The following KIF23 variants were observed in gnomAD, a reference collection of about 807,000 sequenced individuals.
KIF23 encodes the protein kinesin family member 23.
A neutral mutation model predicts 137.5 loss-of-function variants in KIF23; 30 were observed. The ratio of observed to expected loss-of-function variants is 0.22; its 90% CI spans 0.16 to 0.30. The LOEUF (loss-of-function observed/expected upper bound fraction) is 0.30. KIF23 is among the 10% of genes least tolerant of loss of function. The pLI is 1.00. For synonymous variants in KIF23, 367 were observed against 391.1 expected (o/e 0.94, Z 0.73); for missense variants, 920 against 1,194.3 (o/e 0.77, Z 3.38).
chr15:69,440,521 C>G (rs1229701790), intron 18 of KIF23, 34 bp downstream of exon 18: 27 of 1,553,656 alleles, frequency 1.7e-5, no homozygotes, highest in Non-Finnish European at 2.3e-5. Flanking sequence ...TAACTTTGTA[C>G]TAGAGAAATT....
At position 69,421,988 on chromosome 15, in the gene KIF23, G is replaced by A. The variant is rs199854965; in HGVS notation, c.317-4G>A. The A allele has an allele frequency of 8.3e-5, 134 of 1,613,634 alleles. No individual in the cohort carries two copies. The highest frequency in any genetic ancestry group is 8.3e-5 in the Admixed American group (5 of 59,930). On this transcript the variant is annotated splice_region_variant and splice_polypyrimidine_tract_variant and intron_variant, in intron 4 of 23. Coordinates refer to ENST00000679126, the MANE Select transcript of KIF23 (RefSeq NM_001367805.3). ...ATAACTCATTGTGACTTGCTACACT[G>A]TAGGTCTTCTTTTTACATATGGTGT...
chr15:69,414,490 C>A lies in KIF23; in HGVS notation c.11+14C>A. 6.3e-7 allele frequency: 1 copy of A among 1,576,158 alleles called. No individual in the cohort carries two copies. The highest frequency in any genetic ancestry group is 2.3e-5 in the East Asian group (1 of 42,766). The stretch of plus-strand genomic sequence containing the variant: ...CATGAAGTCAGCGTGAGTACGAGGC[C>A]GCCGAGCAGGGAGAGAGGGCGGACG... On this transcript the variant is annotated intron_variant, in intron 1 of 23. Coordinates refer to ENST00000679126, the MANE Select transcript of KIF23 (RefSeq NM_001367805.3).
At position 69,422,371 on chromosome 15, in the gene KIF23, G is replaced by A; in HGVS notation, c.499G>A (p.Val167Ile). The part of the protein sequence containing the change: ...DRNSMDIQCE[V>I]DALLERQKRE... Reference sequence around the variant, plus strand: ...GAATAGTATGGATATACAGTGTGAGGTTGATGCCTTATTAGAACGTCAGAA... The same window carrying A: ...GAATAGTATGGATATACAGTGTGAGATTGATGCCTTATTAGAACGTCAGAA... Residue 167 changes from valine to isoleucine, a missense_variant, in exon 6 of 24, where the codon GTT becomes ATT. By Grantham distance (29) the Val-to-Ile change is conservative. Around this residue, in one of 4 missense-constraint regions of KIF23, gnomAD observed 714 missense variants for 866.2 expected, o/e 0.82. Transcript: ENST00000679126. 6.2e-7 allele frequency: 1 copy of A among 1,611,734 alleles called. No individual in the cohort carries two copies. Among genetic ancestry groups the A allele is most frequent in the Non-Finnish European group, 8.5e-7 (1 of 1,178,066 alleles).
chr15:69,446,370 G>C lies in KIF23; in HGVS notation c.2838+6G>C. 1 of 1,610,726 alleles carries C rather than the reference G, an allele frequency of 6.2e-7. No homozygotes were observed. ...GGACCGATGTAGAAACAAGGGTAGG[G>C]GAAAAATTAAATATTTGTCTGCCTA... On this transcript the variant is annotated splice_donor_region_variant and intron_variant, in intron 22 of 23. Coordinates refer to ENST00000679126, the MANE Select transcript of KIF23 (RefSeq NM_001367805.3).
At position 69,436,122 on chromosome 15, in the gene KIF23, T is replaced by G. The variant is rs765228911; in HGVS notation, c.1315-16T>G. The G allele has an allele frequency of 1.9e-6, 3 of 1,602,994 alleles. No individual in the cohort carries two copies. The highest frequency in any genetic ancestry group is 2.5e-6 in the Non-Finnish European group (3 of 1,177,344). ...ATCCTTATTTTTTTTTAAACTCCAT[T>G]TGTTTTGTGTTTTAGCAAGTCATGA... is the stretch of plus-strand genomic sequence containing the variant. On this transcript the variant is annotated splice_polypyrimidine_tract_variant and intron_variant, in intron 13 of 23. Coordinates refer to ENST00000679126, the MANE Select transcript of KIF23 (RefSeq NM_001367805.3).
intron 10 of KIF23, among the ~76,000 whole-genome samples, chr15:69,428,759 C>T (rs919314054): frequency 6.6e-6 from 1 of 150,474 alleles, no homozygotes; most frequent in African/African-American, 2.5e-5. Context: ...TTAGGATAAT[C>T]CTGTTCTAGA....
intron 14 of KIF23, 101 bp downstream of exon 14, chr15:69,436,362 C>A: frequency 7.1e-7 from 1 of 1,412,556 alleles, no homozygotes; most frequent in Non-Finnish European, 9.6e-7. Flanking sequence ...TACATACCTT[C>A]TGAAGAACCA....
chr15:69,434,167 T>G (rs929538359), intron 11 of KIF23, among the ~76,000 whole-genome samples: 2 of 152,238 alleles, frequency 1.3e-5, no homozygotes, highest in Non-Finnish European at 2.9e-5. Context: ...CTGATCATCC[T>G]AGAGATAACC....
Position 69,429,138 on chromosome 15 carries a change from T to C in KIF23, c.1039T>C (p.Leu347=), listed in dbSNP as rs1197255457. The change falls in exon 11 of 24, where the codon TTG becomes CTG. Residue 347 remains leucine, a synonymous_variant. Transcript: ENST00000679126. Reference sequence around the variant, plus strand: ...AAAAGAACAAATCACTATAAGTCAGTTGTCCTTGGTAGATCTTGCTGGAAG... The same window carrying C: ...AAAAGAACAAATCACTATAAGTCAGCTGTCCTTGGTAGATCTTGCTGGAAG... ...QEKEQITISQ[L]SLVDLAGSER... 4 of 1,613,156 alleles carry C rather than the reference T, an allele frequency of 2.5e-6. No individual in the cohort carries two copies. The highest frequency in any genetic ancestry group is 2.5e-6 in the Non-Finnish European group (3 of 1,179,438).
intron 11 of KIF23, chr15:69,435,007 T>G: frequency 1.7e-6 from 1 of 602,060 alleles, no homozygotes; most frequent in South Asian, 2.2e-5. Context: ...ACGGACTCGC[T>G]CAACACCGCG....
rs183790083 is a variant in KIF23 at position 69,416,241 on chromosome 15, T to C, written c.81+178T>C. On this transcript the variant is annotated intron_variant, in intron 2 of 23. Transcript: ENST00000679126. ...AACTAGTGCTAGCTGTGAAATTTTC[T>C]CTATAAGATTAATTAAATTAGTCCA... 1.6e-3 allele frequency among the ~76,000 whole-genome samples: 238 copies of C among 152,364 alleles called. 1 individual carries two copies. Among genetic ancestry groups the C allele is most frequent in the Admixed American group, 3.4e-3 (52 of 15,312 alleles).
chr15:69,425,392 C>A, intron 8 of KIF23, 69 bp downstream of exon 8: 1 of 1,297,416 alleles, frequency 7.7e-7, no homozygotes, highest in Non-Finnish European at 1.1e-6. Context: ...CATTCTGTGG[C>A]ATGTTTGCAT....
chr15:69,425,415 C>T, intron 8 of KIF23, 92 bp downstream of exon 8: 1 of 1,125,070 alleles, frequency 8.9e-7, no homozygotes, highest in Non-Finnish European at 1.3e-6. Context: ...AGGTTATTTT[C>T]CATTGTCACT....
intron 7 of KIF23, among the ~76,000 whole-genome samples, chr15:69,423,720 G>T (rs747401874): frequency 6.6e-6 from 1 of 152,184 alleles, no homozygotes; most frequent in African/African-American, 2.4e-5. Context: ...GATTTCTACA[G>T]ACTGGAGCCT....
At chr15:69,427,872 T>C (rs2057243102) in intron 10 of KIF23, among the ~76,000 whole-genome samples, 2 of 152,300 alleles carry the variant, frequency 1.3e-5, no homozygotes, top group South Asian at 2.1e-4. Flanking sequence ...AAAACCTCCT[T>C]ATAAGGTTGT....
chr15:69,445,485 G>A (rs1490893783), intron 20 of KIF23, among the ~76,000 whole-genome samples: 1 of 149,934 alleles, frequency 6.7e-6, no homozygotes, highest in Non-Finnish European at 1.5e-5. Flanking sequence ...AGACTTGCCT[G>A]ACTATAGAAG....
At chr15:69,435,141 T>G (rs2057447566) in intron 11 of KIF23, 2 of 459,220 alleles carry the variant, frequency 4.4e-6, no homozygotes, top group African/African-American at 2.0e-5. Context: ...CTAGAGAATA[T>G]ATTTTAATAT....
intron 20 of KIF23, among the ~76,000 whole-genome samples, chr15:69,445,465 T>C (rs1054746558): frequency 6.6e-6 from 1 of 152,036 alleles, no homozygotes; most frequent in Admixed American, 6.6e-5. Flanking sequence ...TAAAGCCGTT[T>C]TCCAGAAAGA....
rs938353677 is a variant in KIF23 at position 69,414,578 on chromosome 15, G to C, written c.11+102G>C. 4.7e-6 allele frequency: 6 copies of C among 1,278,638 alleles called. No homozygotes were observed. The South Asian group carries it at 1.1e-4, about 23-fold the overall frequency. 79.2% of individuals were successfully genotyped at this position (1,278,638 alleles called of 1,614,324 possible). A position where few individuals can be genotyped will look rare whatever the true frequency, so the allele number is the denominator to read the frequency against. ...CTCAGGCCGCGGCCGTACGCGGGCA[G>C]CGCGGACAGCATCCCGCCCGGTGCT... On this transcript the variant is annotated intron_variant, in intron 1 of 23. Coordinates refer to ENST00000679126, the MANE Select transcript of KIF23 (RefSeq NM_001367805.3).
Sources: gnomAD v4.1 joint callset for allele counts (sites outside exome capture counted in the v4.1 genomes callset) on GRCh38, gnomAD v4.1.1 for gene constraint, gnomAD v4.1.1 regional missense constraint, MANE v1.5 for transcripts, NCBI Gene and HGNC (gene_info 2026-07-23, HGNC 2026-07-21) for gene names.